Variants in STK32B observed in about 807,000 individuals in gnomAD.
The protein encoded by STK32B is serine/threonine kinase 32B, also known as serine/threonine-protein kinase 32B.
Under a neutral mutation model 52.6 loss-of-function variants are expected in STK32B, and 43 were observed. That is an observed-to-expected ratio of 0.82 (90% CI 0.64 to 1.05). STK32B has a LOEUF of 1.05. Ranked by LOEUF, STK32B falls within the 50% of genes least tolerant of loss-of-function variation. The pLI is 0.00. For synonymous variants in STK32B, 238 were observed against 204.3 expected (o/e 1.17, Z -1.41); for missense variants, 621 against 534.6 (o/e 1.16, Z -1.59).
chr4:5,497,707 TGC>T (rs10565105), intron 11 of STK32B, among the ~76,000 whole-genome samples: 5,291 of 115,014 alleles, frequency 0.046, 309 homozygotes, highest in African/African-American at 0.22. Flanking sequence ...ATTCCCACTG[TGC>T]GCACACACAC....
intron 11 of STK32B, among the ~76,000 whole-genome samples, chr4:5,496,077 C>T (rs1242512905): frequency 3.3e-5 from 5 of 152,226 alleles, no homozygotes; most frequent in African/African-American, 7.2e-5. Flanking sequence ...TCTCCAGCTG[C>T]ATGCTGGGAG....
At chr4:5,495,995 T>C (rs546501678) in intron 11 of STK32B, among the ~76,000 whole-genome samples, 1 of 151,874 alleles carries the variant, frequency 6.6e-6, no homozygotes, top group South Asian at 2.1e-4. Context: ...TACTGGGGGG[T>C]GCCTCCCGGT....
At chr4:5,240,082 C>G (rs563305121) in intron 3 of STK32B, among the ~76,000 whole-genome samples, 112 of 151,796 alleles carry the variant, frequency 7.4e-4, no homozygotes, top group Middle Eastern at 3.4e-3. Flanking sequence ...CTGTCTCTCT[C>G]TCTCTCATAT....
At chr4:5,498,846 T>C (rs578214496) in intron 11 of STK32B, 99 bp from the exon 12 acceptor site, 44 of 1,455,254 alleles carry the variant, frequency 3.0e-5, no homozygotes, top group East Asian at 2.3e-4. Flanking sequence ...AGGTTTGAGC[T>C]GAAGGCTCCA....
intron 4 of STK32B, among the ~76,000 whole-genome samples, chr4:5,389,107 G>C (rs908329421): frequency 4.6e-5 from 7 of 152,222 alleles, no homozygotes; most frequent in African/African-American, 1.7e-4. Flanking sequence ...TTTTACAATA[G>C]ATATAAGACA....
intron 3 of STK32B, among the ~76,000 whole-genome samples, chr4:5,246,234 T>C (rs576293704): frequency 3.0e-4 from 45 of 152,356 alleles, no homozygotes; most frequent in African/African-American, 1.0e-3. Flanking sequence ...TTTGGTCTTT[T>C]CACATAGTCC....
intron 3 of STK32B, among the ~76,000 whole-genome samples, chr4:5,278,202 G>A (rs781528053): frequency 6.6e-5 from 10 of 152,112 alleles, no homozygotes; most frequent in Non-Finnish European, 1.0e-4. Context: ...GCTGAGGAAT[G>A]GTGGACAAAA....
chr4:5,235,296 C>G (rs1312621946), intron 3 of STK32B, among the ~76,000 whole-genome samples: 1 of 152,188 alleles, frequency 6.6e-6, no homozygotes, highest in Non-Finnish European at 1.5e-5. Context: ...GTGTGGTGGT[C>G]AAGAGCATGT....
At chr4:5,269,130 G>C (rs892132010) in intron 3 of STK32B, among the ~76,000 whole-genome samples, 27 of 152,142 alleles carry the variant, frequency 1.8e-4, no homozygotes, top group Admixed American at 1.7e-3. Flanking sequence ...CATGCACAGA[G>C]ACCTCGAGAG....
chr4:5,273,911 T>C (rs1727617526), intron 3 of STK32B, among the ~76,000 whole-genome samples: 2 of 150,472 alleles, frequency 1.3e-5, no homozygotes, highest in East Asian at 2.0e-4. Context: ...TTAGTGGGTG[T>C]AGCGCACCAG....
At position 5,378,532 on chromosome 4, in the gene STK32B, CT is replaced by C. The variant is rs1034225756; in HGVS notation, c.435-19668del. On this transcript the variant is annotated intron_variant, in intron 4 of 11. Transcript: ENST00000282908. The surrounding 1 kb of genome is among the most constrained non-coding windows in gnomAD (Gnocchi z 4.4). ...ATGCCCTTTATCTTTCTGTTTTCTT[CT>C]TTTTTTGCATTCTATAGTATTGATA... is the stretch of plus-strand genomic sequence containing the variant. 1.3e-5 allele frequency among the ~76,000 whole-genome samples: 2 copies of C among 151,878 alleles called. No individual in the cohort carries two copies. The highest frequency in any genetic ancestry group is 4.8e-5 in the African/African-American group (2 of 41,334).
chr4:5,320,805 G>T lies in STK32B; in HGVS notation c.261-10415G>T, dbSNP rs561597900. ...AGATGGATATCCTATCTATTTTGTT[G>T]TGTTTACATTGTATTTTAAGAAATT... On this transcript the variant is annotated intron_variant, in intron 3 of 11. Coordinates refer to ENST00000282908, the MANE Select transcript of STK32B (RefSeq NM_018401.3). Among the ~76,000 whole-genome samples the T allele has an allele frequency of 4.6e-5, 7 of 152,300 alleles. 1 individual carries two copies. The highest frequency in any genetic ancestry group is 3.9e-4 in the Admixed American group (6 of 15,294).
intron 3 of STK32B, among the ~76,000 whole-genome samples, chr4:5,282,062 GCTAA>G (rs58307902): frequency 0.02 from 3,055 of 152,148 alleles, 100 homozygotes; most frequent in African/African-American, 0.063. Context: ...ACTAAGTTAA[GCTAA>G]CTAACATATC....
At chr4:5,041,644 A>C in the STK32B span, among the ~76,000 whole-genome samples, 1 of 152,202 alleles carries the variant, frequency 6.6e-6, no homozygotes, top group Non-Finnish European at 1.5e-5. Flanking sequence ...CAACGCACAC[A>C]CACGCACACA....
At chr4:5,138,106 G>A in intron 1 of STK32B, among the ~76,000 whole-genome samples, 1 of 152,186 alleles carries the variant, frequency 6.6e-6, no homozygotes, top group East Asian at 1.9e-4. Context: ...GAATGAGTAA[G>A]AAGTGAAAAT....
chr4:5,493,422 G>T (rs933861433), intron 11 of STK32B, among the ~76,000 whole-genome samples: 1 of 152,108 alleles, frequency 6.6e-6, no homozygotes, highest in Non-Finnish European at 1.5e-5. Flanking sequence ...GATCGGTGGT[G>T]ATATCCTTTT....
chr4:5,434,448 GTGTGTGTATA>G (rs1713862920), intron 6 of STK32B, among the ~76,000 whole-genome samples: 1 of 105,242 alleles, frequency 9.5e-6, no homozygotes, highest in African/African-American at 3.4e-5. Flanking sequence ...GTGTGTGTGT[GTGTGTGTATA>G]TATATATATA....
At chr4:5,147,201 C>G (rs1406565899) in intron 2 of STK32B, among the ~76,000 whole-genome samples, 1 of 151,910 alleles carries the variant, frequency 6.6e-6, no homozygotes, top group Non-Finnish European at 1.5e-5. Context: ...GGGGAAGACA[C>G]TATTGTAATG....
chr4:5,244,433 C>G (rs192816093), intron 3 of STK32B, among the ~76,000 whole-genome samples: 108 of 152,246 alleles, frequency 7.1e-4, no homozygotes, highest in African/African-American at 2.3e-3. Context: ...TGCCCATTGT[C>G]ATTTTTTATT....
Sources: allele counts gnomAD v4.1 joint callset (sites outside exome capture counted in the v4.1 genomes callset), GRCh38; gene constraint gnomAD v4.1.1; non-coding constraint Gnocchi (gnomAD v3.1); transcripts MANE v1.5; gene names NCBI Gene and HGNC (gene_info 2026-07-23, HGNC 2026-07-21).